Variants in CSMD3 observed in about 807,000 individuals in gnomAD.
CSMD3 encodes CUB and sushi domain-containing protein 3.
CSMD3 carries 177 observed loss-of-function variants against 435.2 expected under a neutral mutation model. That is an observed-to-expected ratio of 0.41 (90% CI 0.36 to 0.46). CSMD3 has a LOEUF of 0.46. Ranked by LOEUF, CSMD3 falls within the 20% of genes least tolerant of loss-of-function variation. CSMD3 has a pLI of 0.34. For synonymous variants in CSMD3, 1,656 were observed against 1,520.5 expected, an observed-to-expected ratio of 1.09 and a Z score of -2.07; for missense variants, 4,265 against 4,504.6, an observed-to-expected ratio of 0.95 and a Z score of 1.52.
intron 1 of CSMD3, among the ~76,000 whole-genome samples, chr8:113,432,193 T>C (rs2094678274): frequency 6.6e-6 from 1 of 152,122 alleles, no homozygotes; most frequent in African/African-American, 2.4e-5. Context: ...CAAAAGGACA[T>C]TTCAGAGCGC....
intron 36 of CSMD3, 59 bp downstream of exon 36, chr8:112,390,605 C>T (rs369230285): frequency 7.2e-7 from 1 of 1,386,532 alleles, no homozygotes; most frequent in Non-Finnish European, 1.0e-6. Context: ...ATTCTGTCAT[C>T]TCTGAAAAGA....
At chr8:113,042,453 G>A (rs1316174952) in intron 5 of CSMD3, among the ~76,000 whole-genome samples, 1 of 151,966 alleles carries the variant, frequency 6.6e-6, no homozygotes, top group Non-Finnish European at 1.5e-5. Context: ...TTTCTTTTAG[G>A]AAAACTCTTT....
rs184556882 is a variant in CSMD3 at position 112,555,416 on chromosome 8, G to C, written c.4234+1347C>G. Among the ~76,000 whole-genome samples, 32 of 151,972 alleles carry C rather than the reference G, an allele frequency of 2.1e-4. No homozygotes were observed. In the East Asian group the frequency reaches 6.0e-3, roughly 29 times the overall value. On this transcript the variant is annotated intron_variant, in intron 25 of 70. Coordinates refer to ENST00000297405, the MANE Select transcript of CSMD3 (RefSeq NM_198123.2). The stretch of plus-strand genomic sequence containing the variant: ...GCTATTAAACTCTTAAAGCTTTTCT[G>C]AACATATTTCATAATCACATCAGAG...
chr8:113,388,733 AT>A (rs1331178422), intron 1 of CSMD3, among the ~76,000 whole-genome samples: 1 of 151,672 alleles, frequency 6.6e-6, no homozygotes, highest in Admixed American at 6.6e-5. Flanking sequence ...ATTTACCAGC[AT>A]ACATTCCTTT....
intron 1 of CSMD3, among the ~76,000 whole-genome samples, chr8:113,316,207 G>A (rs950526941): frequency 6.6e-6 from 1 of 152,104 alleles, no homozygotes; most frequent in African/African-American, 2.4e-5. Flanking sequence ...ATCTTTATCT[G>A]TGAGTCCTAC....
chr8:112,597,749 A>G (rs1831879058), intron 22 of CSMD3, among the ~76,000 whole-genome samples: 1 of 134,026 alleles, frequency 7.5e-6, no homozygotes, highest in Non-Finnish European at 1.6e-5. Context: ...GCATATAAAC[A>G]GAGCCAAAGA....
At chr8:113,086,108 C>T (rs1415835062) in intron 5 of CSMD3, among the ~76,000 whole-genome samples, 5 of 151,814 alleles carry the variant, frequency 3.3e-5, no homozygotes, top group South Asian at 2.1e-4. Context: ...ATTAGCCAGG[C>T]GTGGGTGGCG....
intron 3 of CSMD3, among the ~76,000 whole-genome samples, chr8:113,210,567 T>C (rs1326545453): frequency 2.0e-5 from 3 of 151,826 alleles, no homozygotes; most frequent in African/African-American, 4.9e-5. Context: ...TTTTACTCTA[T>C]ATAGGAGAAA....
At chr8:113,393,462 G>A (rs1247135162) in intron 1 of CSMD3, among the ~76,000 whole-genome samples, 1 of 152,068 alleles carries the variant, frequency 6.6e-6, no homozygotes, top group African/African-American at 2.4e-5. Flanking sequence ...AATGGAGCTG[G>A]AGAAGTCATG....
At chr8:112,262,843 T>C (rs1285510485) in intron 61 of CSMD3, among the ~76,000 whole-genome samples, 1 of 152,034 alleles carries the variant, frequency 6.6e-6, no homozygotes, top group Non-Finnish European at 1.5e-5. Flanking sequence ...GGGGATTTAG[T>C]TTCCACTTTG....
chr8:113,352,944 A>G (rs2094199468), intron 1 of CSMD3, among the ~76,000 whole-genome samples: 1 of 152,194 alleles, frequency 6.6e-6, no homozygotes, highest in Admixed American at 6.5e-5. Context: ...ACACAATTTC[A>G]GTTTGTGTTT....
chr8:112,982,637 TCATA>T (rs1459380235), intron 6 of CSMD3, among the ~76,000 whole-genome samples: 1 of 151,956 alleles, frequency 6.6e-6, no homozygotes, highest in East Asian at 1.9e-4. Flanking sequence ...CACCTCATTT[TCATA>T]CCCTTGTTTT....
intron 12 of CSMD3, among the ~76,000 whole-genome samples, chr8:112,825,541 T>C (rs561153078): frequency 6.6e-6 from 1 of 152,284 alleles, no homozygotes; most frequent in Admixed American, 6.5e-5. Flanking sequence ...GATGCTGCTG[T>C]TGTTCCTTTC....
intron 10 of CSMD3, among the ~76,000 whole-genome samples, chr8:112,914,100 TATA>T (rs1185649957): frequency 1.3e-5 from 2 of 151,884 alleles, no homozygotes; most frequent in Non-Finnish European, 2.9e-5. Context: ...GGGAATAATA[TATA>T]ATAATAATAA....
chr8:112,264,977 G>GA (rs2130401900), intron 60 of CSMD3, among the ~76,000 whole-genome samples: 1 of 151,848 alleles, frequency 6.6e-6, no homozygotes, highest in South Asian at 2.1e-4. Flanking sequence ...CATTATTTAA[G>GA]AAAAATTACG....
At chr8:113,182,577 C>A (rs1157518998) in intron 3 of CSMD3, among the ~76,000 whole-genome samples, 3 of 151,600 alleles carry the variant, frequency 2.0e-5, no homozygotes, top group Non-Finnish European at 4.4e-5. Flanking sequence ...ACAAAAAAAA[C>A]TCACAACGAA....
chr8:112,913,323 C>T (rs1383775486), intron 10 of CSMD3, among the ~76,000 whole-genome samples: 3 of 151,802 alleles, frequency 2.0e-5, no homozygotes, highest in Non-Finnish European at 4.4e-5. Flanking sequence ...GCACAGTTCA[C>T]AATAGGGTTC....
At chr8:113,346,546 A>G (rs1295246995) in intron 1 of CSMD3, among the ~76,000 whole-genome samples, 1 of 152,100 alleles carries the variant, frequency 6.6e-6, no homozygotes, top group Admixed American at 6.6e-5. Flanking sequence ...AACTTTGTAT[A>G]TGTAACCACA....
intron 1 of CSMD3, among the ~76,000 whole-genome samples, chr8:113,399,059 C>T (rs1021056378): frequency 1.8e-4 from 25 of 135,144 alleles, no homozygotes; most frequent in African/African-American, 7.1e-4. Context: ...AAATCAAAAC[C>T]ATACCCACAA....
Sources: allele counts gnomAD v4.1 joint callset (sites outside exome capture counted in the v4.1 genomes callset), GRCh38; gene constraint gnomAD v4.1.1; transcripts MANE v1.5; gene names NCBI Gene and HGNC (gene_info 2026-07-23, HGNC 2026-07-21).